The following FANCL variants were observed in gnomAD, a reference collection of about 807,000 sequenced individuals.
The protein encoded by FANCL is E3 ubiquitin-protein ligase FANCL.
A neutral mutation model predicts 59.4 loss-of-function variants in FANCL; 69 were observed. That is an observed-to-expected ratio of 1.16 (90% CI 0.96 to 1.42). The LOEUF is 1.42. FANCL is among the 40% of genes most tolerant of loss of function. The pLI is 0.00. For missense variants in FANCL, 519 were observed against 447.2 expected, an observed-to-expected ratio of 1.16 and a Z score of -1.45; for synonymous variants, 180 against 147.1, an observed-to-expected ratio of 1.22 and a Z score of -1.62.
chr2:58,206,966 T>G (rs981647812), intron 5 of FANCL, among the ~76,000 whole-genome samples: 1 of 152,166 alleles, frequency 6.6e-6, no homozygotes, highest in Non-Finnish European at 1.5e-5. Flanking sequence ...TTAACTTACC[T>G]TCTCCAGTTT....
chr2:58,222,317 A>T (rs1295978946), intron 4 of FANCL, among the ~76,000 whole-genome samples: 1 of 24,276 alleles, frequency 4.1e-5, no homozygotes, highest in Non-Finnish European at 6.8e-5. Context: ...TATCGGAGAT[A>T]AAAAAAAAAT....
intron 7 of FANCL, among the ~76,000 whole-genome samples, chr2:58,195,797 T>C (rs970550696): frequency 3.9e-5 from 6 of 152,140 alleles, no homozygotes; most frequent in African/African-American, 7.2e-5. Context: ...GCAAAGAATA[T>C]GCATTGCTGA....
intron 7 of FANCL, among the ~76,000 whole-genome samples, chr2:58,183,230 T>C (rs1688095127): frequency 6.6e-6 from 1 of 151,796 alleles, no homozygotes; most frequent in Non-Finnish European, 1.5e-5. Flanking sequence ...AAAGACATAA[T>C]TCCCTAAAAA....
intron 5 of FANCL, 56 bp downstream of exon 5, chr2:58,221,877 AGAAATACAT>A: frequency 8.6e-7 from 1 of 1,167,772 alleles, no homozygotes; most frequent in East Asian, 2.6e-5. Flanking sequence ...TGCTAAAACT[AGAAATACAT>A]TAAGTTAAAA....
chr2:58,209,376 CAT>C (rs1459957241), intron 5 of FANCL, among the ~76,000 whole-genome samples: 2 of 151,910 alleles, frequency 1.3e-5, no homozygotes, highest in Admixed American at 1.3e-4. Context: ...CCTAGAAAAA[CAT>C]GATTTTTTTT....
chr2:58,182,391 G>C lies in FANCL; in HGVS notation c.540+16203C>G, dbSNP rs558746642. ...ATGAAGAATAGCCATGCTTGTTTCA[G>C]TCCAAATATTACCAGAGTCACACTT... On this transcript the variant is annotated intron_variant, in intron 7 of 13. Transcript: ENST00000233741. 6.6e-5 allele frequency among the ~76,000 whole-genome samples: 10 copies of C among 151,912 alleles called. No homozygotes were observed. The South Asian group carries it at 1.9e-3, about 28-fold the overall frequency.
At chr2:58,194,194 T>C (rs1378603433) in intron 7 of FANCL, 1 of 470,834 alleles carries the variant, frequency 2.1e-6, no homozygotes, top group Non-Finnish European at 4.4e-6. Flanking sequence ...ATGGCAAGAA[T>C]ACTTCACCAA....
At chr2:58,187,560 TATA>T (rs960854179) in intron 7 of FANCL, among the ~76,000 whole-genome samples, 2 of 150,332 alleles carry the variant, frequency 1.3e-5, no homozygotes, top group East Asian at 3.9e-4. Context: ...AAACTTAAAG[TATA>T]ATAATAAAAA....
chr2:58,161,567 A>G lies in FANCL; in HGVS notation c.975T>C (p.Asp325=), dbSNP rs1306041136. Reference sequence around the variant, plus strand: ...GGAAAGGTTGTCCACACTGAGAATTATCACACACTTGATCAGGAATGGTAC... The same window carrying G: ...GGAAAGGTTGTCCACACTGAGAATTGTCACACACTTGATCAGGAATGGTAC... ...LDGTIPDQVC[D]NSQCGQPFHQ... Residue 325 remains aspartate (D), a synonymous_variant, in exon 12 of 14, where the codon GAT becomes GAC. Transcript: ENST00000233741. The G allele has an allele frequency of 1.9e-6, 3 of 1,611,448 alleles. No homozygotes were observed. Among genetic ancestry groups the G allele is most frequent in the Admixed American group, 1.7e-5 (1 of 59,904 alleles).
intron 7 of FANCL, among the ~76,000 whole-genome samples, chr2:58,185,595 G>A (rs1052624798): frequency 6.6e-6 from 1 of 152,156 alleles, no homozygotes; most frequent in African/African-American, 2.4e-5. Context: ...GGCAATGCTT[G>A]CCAATTTTTA....
At chr2:58,211,755 G>C (rs1558799458) in intron 5 of FANCL, among the ~76,000 whole-genome samples, 1 of 152,122 alleles carries the variant, frequency 6.6e-6, no homozygotes, top group Non-Finnish European at 1.5e-5. Context: ...CATATCTCTA[G>C]GGCAGGGGCA....
chr2:58,200,016 C>A (rs546294012), intron 6 of FANCL, among the ~76,000 whole-genome samples: 1 of 150,834 alleles, frequency 6.6e-6, no homozygotes, highest in Non-Finnish European at 1.5e-5. Context: ...TACACTCTGA[C>A]TAATGGAATC....
At chr2:58,196,724 C>A (rs1689462222) in intron 7 of FANCL, among the ~76,000 whole-genome samples, 1 of 151,896 alleles carries the variant, frequency 6.6e-6, no homozygotes, top group South Asian at 2.1e-4. Context: ...AACTTTTCCA[C>A]AGATAAATGC....
chr2:58,199,201 G>A (rs917166071), intron 6 of FANCL, among the ~76,000 whole-genome samples: 2 of 152,076 alleles, frequency 1.3e-5, no homozygotes, highest in South Asian at 2.1e-4. Context: ...CAAAGCAATC[G>A]GTGTTGAGTA....
intron 5 of FANCL, among the ~76,000 whole-genome samples, chr2:58,214,330 C>A (rs1309299839): frequency 1.3e-5 from 2 of 152,158 alleles, no homozygotes; most frequent in Non-Finnish European, 2.9e-5. Context: ...AAAGACAACA[C>A]TTTCTATTTA....
At chr2:58,189,795 G>A (rs1688745891) in intron 7 of FANCL, among the ~76,000 whole-genome samples, 1 of 152,018 alleles carries the variant, frequency 6.6e-6, no homozygotes, top group Non-Finnish European at 1.5e-5. Flanking sequence ...CAAAGTGCCA[G>A]AATGTGATCT....
chr2:58,164,546 C>T (rs1422539708), intron 8 of FANCL, among the ~76,000 whole-genome samples: 1 of 151,894 alleles, frequency 6.6e-6, no homozygotes, highest in Non-Finnish European at 1.5e-5. Flanking sequence ...TTTCCAATCA[C>T]TTGTTCAAAA....
chr2:58,179,779 A>G (rs1687737675), intron 7 of FANCL, among the ~76,000 whole-genome samples: 1 of 152,200 alleles, frequency 6.6e-6, no homozygotes. Context: ...AACTATCATT[A>G]GAGTGAACAG....
At position 58,229,830 on chromosome 2, in the gene FANCL, T is replaced by C. The variant is rs750109791; in HGVS notation, c.200A>G (p.His67Arg). 1.9e-6 allele frequency: 3 copies of C among 1,610,126 alleles called. No homozygotes were observed. Among genetic ancestry groups the C allele is most frequent in the East Asian group, 2.2e-5 (1 of 44,770 alleles). ...AGGACTTACCTGTTGTACTATTCGA[T>C]GGTATCCACTAAGTATTGTTCTCAG... ...WQLRTILSGY[H>R]RIVQQRMQHS... Residue 67 changes from histidine to arginine, a missense_variant, in exon 3 of 14, where the codon CAT becomes CGT. Physicochemically the swap from His to Arg is conservative, Grantham distance 29 (BLOSUM62 0). Transcript: ENST00000233741.
Sources: allele counts gnomAD v4.1 joint callset (sites outside exome capture counted in the v4.1 genomes callset), GRCh38; gene constraint gnomAD v4.1.1; transcripts MANE v1.5; gene names NCBI Gene and HGNC (gene_info 2026-07-23, HGNC 2026-07-21).